EFCAB11: variants seen among roughly 807,000 people sequenced by gnomAD.
The protein encoded by EFCAB11 is EF-hand calcium-binding domain-containing protein 11.
A neutral mutation model predicts 23.0 loss-of-function variants in EFCAB11; 14 were observed. The ratio of observed to expected loss-of-function variants is 0.61; its 90% CI spans 0.40 to 0.95. The LOEUF (loss-of-function observed/expected upper bound fraction) is 0.95. EFCAB11 is among the 40% of genes least tolerant of loss of function. The pLI, the probability that EFCAB11 is intolerant of heterozygous loss-of-function variation, is 0.00. For synonymous variants in EFCAB11, 65 were observed against 66.6 expected, an observed-to-expected ratio of 0.98 and a Z score of 0.11; for missense variants, 198 against 195.8, an observed-to-expected ratio of 1.01 and a Z score of -0.07.
chr14:89,822,182 A>G (rs1043645228), intron 5 of EFCAB11, among the ~76,000 whole-genome samples: 26 of 152,320 alleles, frequency 1.7e-4, no homozygotes, highest in African/African-American at 6.3e-4. Context: ...CACTAACTGC[A>G]CCTAAAGCCA....
At chr14:89,809,841 AAC>A (rs1886092707) in intron 5 of EFCAB11, among the ~76,000 whole-genome samples, 1 of 152,172 alleles carries the variant, frequency 6.6e-6, no homozygotes, top group African/African-American at 2.4e-5. Flanking sequence ...AAAGAGGATA[AAC>A]AGTGATTAAA....
intron 5 of EFCAB11, among the ~76,000 whole-genome samples, chr14:89,799,897 C>T (rs1015394594): frequency 6.6e-5 from 10 of 152,014 alleles, no homozygotes; most frequent in East Asian, 1.9e-4. Flanking sequence ...AGTCTAAAAA[C>T]GCTTGTGGCT....
intron 5 of EFCAB11, among the ~76,000 whole-genome samples, chr14:89,874,712 A>T (rs1888381896): frequency 6.6e-6 from 1 of 152,124 alleles, no homozygotes; most frequent in Non-Finnish European, 1.5e-5. Context: ...CCTGGCTAAC[A>T]TGGTGAAACC....
chr14:89,820,577 C>T (rs754021981), intron 5 of EFCAB11, among the ~76,000 whole-genome samples: 46 of 151,996 alleles, frequency 3.0e-4, no homozygotes, highest in Non-Finnish European at 4.3e-4. Context: ...CTCATCAAAA[C>T]GTTAGAAGAC....
intron 5 of EFCAB11, among the ~76,000 whole-genome samples, chr14:89,859,871 T>C (rs916347662): frequency 5.3e-5 from 8 of 152,168 alleles, no homozygotes; most frequent in Admixed American, 2.0e-4. Flanking sequence ...ACAGAATATA[T>C]AGTATAGCCA....
intron 5 of EFCAB11, among the ~76,000 whole-genome samples, chr14:89,896,024 A>G (rs1429978772): frequency 1.3e-5 from 2 of 152,236 alleles, no homozygotes; most frequent in African/African-American, 2.4e-5. Context: ...GAGAGAACTC[A>G]TCATCCATCA....
chr14:89,953,810 A>T, intron 2 of EFCAB11, 96 bp downstream of exon 2: 4 of 1,009,416 alleles, frequency 4.0e-6, no homozygotes, highest in Non-Finnish European at 5.8e-6. Flanking sequence ...TTATAAAGCA[A>T]TTTATAAACA....
intron 5 of EFCAB11, chr14:89,833,071 A>G (rs1488262159): frequency 6.6e-6 from 1 of 152,232 alleles, no homozygotes; most frequent in African/African-American, 2.4e-5. Flanking sequence ...TAAAGTTCCT[A>G]CTTACGTTGC....
chr14:89,847,763 A>G (rs1302915130), intron 5 of EFCAB11, among the ~76,000 whole-genome samples: 1 of 149,166 alleles, frequency 6.7e-6, no homozygotes, highest in Non-Finnish European at 1.5e-5. Flanking sequence ...AAAAAAAGAA[A>G]GAAAGAAAGA....
At chr14:89,952,381 C>A in intron 2 of EFCAB11, 1 of 985,328 alleles carries the variant, frequency 1.0e-6, no homozygotes, top group Non-Finnish European at 1.2e-6. Flanking sequence ...AAAAATGAGA[C>A]AAGATACCTT....
In EFCAB11 at chr14:89,935,236, A is replaced by C. The variant is rs149794465; in HGVS notation, c.218-2609T>G. ...GTCTGCCTGAGACATGCTGAGGGAAAGCAGTGTATAGTGTTCTCAAAATTT... is the reference window on the plus strand; with the variant it reads ...GTCTGCCTGAGACATGCTGAGGGAACGCAGTGTATAGTGTTCTCAAAATTT... On this transcript the variant is annotated intron_variant, in intron 3 of 5. Transcript: ENST00000316738. 5.9e-5 allele frequency among the ~76,000 whole-genome samples: 9 copies of C among 152,290 alleles called. No individual in the cohort carries two copies. The East Asian group carries it at 1.5e-3, about 26-fold the overall frequency.
chr14:89,939,197 C>T (rs925940433), intron 3 of EFCAB11, among the ~76,000 whole-genome samples: 6 of 152,058 alleles, frequency 3.9e-5, no homozygotes, highest in African/African-American at 9.7e-5. Flanking sequence ...TAATCCTTCC[C>T]AGCTCTCATC....
chr14:89,829,363 T>A (rs1024892190), intron 5 of EFCAB11, among the ~76,000 whole-genome samples: 1 of 152,230 alleles, frequency 6.6e-6, no homozygotes. Context: ...GGCTAGTGCG[T>A]TAAATCTTAG....
chr14:89,815,876 A>T (rs1886319262), intron 5 of EFCAB11, among the ~76,000 whole-genome samples: 1 of 152,158 alleles, frequency 6.6e-6, no homozygotes. Flanking sequence ...GGAAAAATAA[A>T]AATTAAGAAG....
intron 5 of EFCAB11, among the ~76,000 whole-genome samples, chr14:89,878,049 A>T (rs1888493174): frequency 6.6e-6 from 1 of 152,184 alleles, no homozygotes; most frequent in African/African-American, 2.4e-5. Context: ...AACGCTACAG[A>T]ACGTTGGTCA....
At chr14:89,953,121 C>T (rs1029524979) in intron 2 of EFCAB11, among the ~76,000 whole-genome samples, 5 of 151,956 alleles carry the variant, frequency 3.3e-5, no homozygotes, top group Non-Finnish European at 7.4e-5. Context: ...TATTCCATGA[C>T]CTAGCAGTTA....
At chr14:89,917,306 CTAGTT>C (rs1889882450) in intron 5 of EFCAB11, among the ~76,000 whole-genome samples, 1 of 152,166 alleles carries the variant, frequency 6.6e-6, no homozygotes, top group South Asian at 2.1e-4. Context: ...CCAAGTTTGA[CTAGTT>C]TAGATGTCAC....
intron 5 of EFCAB11, among the ~76,000 whole-genome samples, chr14:89,858,935 G>A (rs139248907): frequency 1.6e-4 from 24 of 152,192 alleles, no homozygotes; most frequent in African/African-American, 5.5e-4. Context: ...TATTCAGCAC[G>A]TCACATCCCT....
chr14:89,854,079 A>C (rs1367932147), intron 5 of EFCAB11, among the ~76,000 whole-genome samples: 1 of 152,170 alleles, frequency 6.6e-6, no homozygotes, highest in African/African-American at 2.4e-5. Flanking sequence ...GCAAGTGCTT[A>C]ATTAGAGAGG....
Sources: gnomAD v4.1 joint callset for allele counts (sites outside exome capture counted in the v4.1 genomes callset) on GRCh38, gnomAD v4.1.1 for gene constraint, MANE v1.5 for transcripts, NCBI Gene and HGNC (gene_info 2026-07-23, HGNC 2026-07-21) for gene names.